MPP7: variants seen among roughly 807,000 people sequenced by gnomAD.
MPP7 encodes the protein MAGUK p55 subfamily member 7.
Under a neutral mutation model 76.5 loss-of-function variants are expected in MPP7, and 60 were observed. The observed-to-expected ratio is 0.78, with a 90% CI of 0.64 to 0.97. MPP7 has a LOEUF of 0.97. MPP7 is among the 50% of genes least tolerant of loss of function. MPP7 has a pLI of 0.00. For missense variants in MPP7, 641 were observed against 694.0 expected (o/e 0.92, Z 0.86); for synonymous variants, 237 against 244.5 (o/e 0.97, Z 0.29).
intron 2 of MPP7, among the ~76,000 whole-genome samples, chr10:28,223,951 T>G (rs2134078109): frequency 6.6e-6 from 1 of 151,476 alleles, no homozygotes; most frequent in Non-Finnish European, 1.5e-5. Flanking sequence ...ATCCCAGCAC[T>G]TTGGGAGGCC....
chr10:28,238,433 G>T, intron 2 of MPP7, 135 bp downstream of exon 2: 1 of 881,958 alleles, frequency 1.1e-6, no homozygotes, highest in South Asian at 1.6e-5. Context: ...TCCCTGAGTT[G>T]ATCTTATGTC....
intron 1 of MPP7, among the ~76,000 whole-genome samples, chr10:28,291,778 T>C (rs1490062209): frequency 6.6e-6 from 1 of 152,242 alleles, no homozygotes; most frequent in African/African-American, 2.4e-5. Context: ...AGCTGTGTTA[T>C]TACAAAAGAG....
Position 28,059,590 on chromosome 10 carries a change from G to A in MPP7, c.1298+60C>T, listed in dbSNP as rs75814416. On this transcript the variant is annotated intron_variant, in intron 14 of 16. Coordinates refer to ENST00000683449, the MANE Select transcript of MPP7 (RefSeq NM_001318170.2). Reference sequence around the variant, plus strand: ...TGGAGAACTCTCAGTTGTCTAAAACGGGACAGGCATGTGCTTATAAAAAAC... The same window carrying A: ...TGGAGAACTCTCAGTTGTCTAAAACAGGACAGGCATGTGCTTATAAAAAAC... 1.0e-3 allele frequency: 1,021 copies of A among 1,001,324 alleles called. 8 individuals are homozygous for A. The African/African-American group carries it at 0.015, about 15-fold the overall frequency. 62.0% of individuals were successfully genotyped at this position (1,001,324 alleles called of 1,614,324 possible).
chr10:28,302,251 G>A (rs891413093), intron 1 of MPP7, among the ~76,000 whole-genome samples: 2 of 152,050 alleles, frequency 1.3e-5, no homozygotes, highest in Non-Finnish European at 2.9e-5. Flanking sequence ...AGACAAAGCT[G>A]AGTTACTCGG....
intron 3 of MPP7, among the ~76,000 whole-genome samples, chr10:28,184,756 A>G (rs983984356): frequency 2.0e-5 from 3 of 147,768 alleles, no homozygotes; most frequent in Non-Finnish European, 4.5e-5. Context: ...ATTAATATAT[A>G]TCATTAATAT....
intron 3 of MPP7, among the ~76,000 whole-genome samples, chr10:28,168,364 TCAATTATATGTATTA>T (rs1286119912): frequency 6.6e-6 from 1 of 152,224 alleles, no homozygotes; most frequent in African/African-American, 2.4e-5. Flanking sequence ...TAAACCTTTG[TCAATTATATGTATTA>T]CAATTATCTT....
chr10:28,276,115 C>T (rs973146044), intron 1 of MPP7, among the ~76,000 whole-genome samples: 1 of 150,342 alleles, frequency 6.7e-6, no homozygotes, highest in Admixed American at 6.6e-5. Context: ...ACTGCAAACT[C>T]CACCTCCCGG....
intron 12 of MPP7, among the ~76,000 whole-genome samples, chr10:28,071,152 G>T (rs1273906707): frequency 2.6e-5 from 4 of 152,200 alleles, no homozygotes; most frequent in African/African-American, 9.7e-5. Flanking sequence ...ATGCACAGTG[G>T]CTAGCACAGT....
chr10:28,305,102 T>C (rs772610184), upstream of MPP7, among the ~76,000 whole-genome samples: 1 of 152,218 alleles, frequency 6.6e-6, no homozygotes. Context: ...AGAAATGCTC[T>C]AAGATTTGAG....
intron 7 of MPP7, 51 bp from the exon 8 acceptor site, chr10:28,124,167 T>G (rs753680390): frequency 8.3e-7 from 1 of 1,210,640 alleles, no homozygotes; most frequent in South Asian, 1.2e-5. Flanking sequence ...CAACCAAAAC[T>G]GTAATTTGCA....
intron 2 of MPP7, among the ~76,000 whole-genome samples, chr10:28,318,227 G>C (rs1362503800): frequency 6.6e-6 from 1 of 152,186 alleles, no homozygotes; most frequent in Non-Finnish European, 1.5e-5. Context: ...AACCGTAACA[G>C]AGGAAATAAT....
chr10:28,072,843 T>C (rs1045949360), intron 12 of MPP7, among the ~76,000 whole-genome samples: 2 of 152,214 alleles, frequency 1.3e-5, no homozygotes, highest in Non-Finnish European at 2.9e-5. Context: ...CCCACACCTA[T>C]GGTCATATAA....
In MPP7 at chr10:28,303,028, A is replaced by G. The variant is rs913364967; in HGVS notation, c.-299T>C. ...GCGCAGAACGCACGAGCCCAGTGGG[A>G]GCCCGGCCCCCGCCTCCAGCCCGGC... On this transcript the variant is annotated 5_prime_UTR_variant, in exon 1 of 17. Coordinates refer to ENST00000683449, the MANE Select transcript of MPP7 (RefSeq NM_001318170.2). 2.0e-5 allele frequency among the ~76,000 whole-genome samples: 3 copies of G among 149,668 alleles called. No homozygotes were observed. Among genetic ancestry groups the G allele is most frequent in the Non-Finnish European group, 3.0e-5 (2 of 66,776 alleles).
At chr10:28,274,227 C>T (rs1840420803) in intron 1 of MPP7, among the ~76,000 whole-genome samples, 2 of 151,162 alleles carry the variant, frequency 1.3e-5, no homozygotes, top group Non-Finnish European at 2.9e-5. Flanking sequence ...CTCAGCCTCC[C>T]GAGTAGCTGG....
chr10:28,220,680 G>A (rs1838472036), intron 2 of MPP7, among the ~76,000 whole-genome samples: 2 of 152,180 alleles, frequency 1.3e-5, no homozygotes, highest in South Asian at 4.1e-4. Context: ...ATTGGTCATG[G>A]CAAGAGAAAC....
At chr10:28,141,885 C>T (rs1344192949) in intron 5 of MPP7, among the ~76,000 whole-genome samples, 1 of 151,496 alleles carries the variant, frequency 6.6e-6, no homozygotes, top group Middle Eastern at 3.2e-3. Context: ...ATAAGATAAC[C>T]AAATTAACAG....
At chr10:28,192,631 C>G (rs1311091651) in intron 3 of MPP7, among the ~76,000 whole-genome samples, 1 of 152,140 alleles carries the variant, frequency 6.6e-6, no homozygotes, top group East Asian at 1.9e-4. Flanking sequence ...AACAAGATCT[C>G]AATAAATTGA....
intron 1 of MPP7, among the ~76,000 whole-genome samples, chr10:28,240,844 C>T (rs1321505542): frequency 5.3e-5 from 8 of 151,948 alleles, no homozygotes; most frequent in Non-Finnish European, 1.2e-4. Context: ...TTTTGTTTTG[C>T]TAATATTAAA....
intron 12 of MPP7, among the ~76,000 whole-genome samples, chr10:28,071,512 A>G (rs989066544): frequency 7.2e-5 from 11 of 152,100 alleles, no homozygotes; most frequent in Non-Finnish European, 1.5e-5. Flanking sequence ...GCAACTCTCA[A>G]TTCTCCCTCT....
Sources: gnomAD v4.1 joint callset for allele counts (sites outside exome capture counted in the v4.1 genomes callset) on GRCh38, gnomAD v4.1.1 for gene constraint, MANE v1.5 for transcripts, NCBI Gene and HGNC (gene_info 2026-07-23, HGNC 2026-07-21) for gene names.